PCDHGA1: variants seen among roughly 807,000 people sequenced by gnomAD.
The protein encoded by PCDHGA1 is protocadherin gamma-A1.
PCDHGA1 carries 32 observed loss-of-function variants against 58.0 expected under a neutral mutation model. The observed-to-expected ratio is 0.55, with a 90% CI of 0.42 to 0.74. The LOEUF is 0.74. Ranked by LOEUF, PCDHGA1 falls within the 30% of genes least tolerant of loss-of-function variation. PCDHGA1 has a pLI of 0.00. For synonymous variants in PCDHGA1, 498 were observed against 501.1 expected, an observed-to-expected ratio of 0.99 and a Z score of 0.08; for missense variants, 1,205 against 1,182.3, an observed-to-expected ratio of 1.02 and a Z score of -0.28.
In PCDHGA1 at chr5:141,503,070, G is replaced by A. The variant is rs868143537; in HGVS notation, c.2481-2323G>A. 1.5e-4 allele frequency among the ~76,000 whole-genome samples: 23 copies of A among 151,614 alleles called. No individual in the cohort carries two copies. The Middle Eastern group carries it at 0.01, about 68-fold the overall frequency. On this transcript the variant is annotated intron_variant, in intron 2 of 3. Coordinates refer to ENST00000517417, the MANE Select transcript of PCDHGA1 (RefSeq NM_018912.3). ...GGGTTTCACCATGTTGGTCAGAATGGTCTCGATCTCCTGACCTCGTGGTCT... is the reference window on the plus strand; with the variant it reads ...GGGTTTCACCATGTTGGTCAGAATGATCTCGATCTCCTGACCTCGTGGTCT...
chr5:141,341,779 C>A (rs1561484788), intron 1 of PCDHGA1: 1 of 344,910 alleles, frequency 2.9e-6, no homozygotes, highest in African/African-American at 2.1e-5. Flanking sequence ...CAAGTCCTTT[C>A]TTCTTTTAAG....
At chr5:141,508,538 G>C (rs1383873129) in intron 3 of PCDHGA1, among the ~76,000 whole-genome samples, 1 of 152,120 alleles carries the variant, frequency 6.6e-6, no homozygotes, top group African/African-American at 2.4e-5. Flanking sequence ...CACCCCCCAC[G>C]AGGTGGGCGG....
chr5:141,456,093 T>G (rs1362649283), intron 1 of PCDHGA1, among the ~76,000 whole-genome samples: 1 of 151,986 alleles, frequency 6.6e-6, no homozygotes, highest in Non-Finnish European at 1.5e-5. Context: ...GAGACGGGAT[T>G]TCACCGTGTT....
chr5:141,456,888 G>A (rs376401806), intron 1 of PCDHGA1, among the ~76,000 whole-genome samples: 5 of 152,118 alleles, frequency 3.3e-5, no homozygotes, highest in Admixed American at 1.3e-4. Context: ...GCTTGAACCC[G>A]GGAGGCAGAG....
chr5:141,510,813 C>G, intron 3 of PCDHGA1, 134 bp from the exon 4 acceptor site: 2 of 1,537,024 alleles, frequency 1.3e-6, no homozygotes, highest in Non-Finnish European at 1.8e-6. Context: ...CTTGGTGACC[C>G]CTATATTCCC....
intron 1 of PCDHGA1, chr5:141,342,906 T>C (rs1168209537): frequency 3.3e-5 from 5 of 152,206 alleles, no homozygotes; most frequent in African/African-American, 4.8e-5. Context: ...AGGAAACTTC[T>C]TTCAGTACCC....
intron 1 of PCDHGA1, chr5:141,333,744 T>C (rs1166628227): frequency 6.5e-6 from 1 of 153,566 alleles, no homozygotes; most frequent in Non-Finnish European, 1.4e-5. Flanking sequence ...TAGAGTGCAG[T>C]GGCATGATCA....
intron 1 of PCDHGA1, among the ~76,000 whole-genome samples, chr5:141,469,311 T>C (rs970450899): frequency 3.3e-5 from 5 of 152,040 alleles, no homozygotes; most frequent in Admixed American, 3.3e-4. Context: ...GCACGATGGC[T>C]CACGCCTGTA....
intron 1 of PCDHGA1, among the ~76,000 whole-genome samples, chr5:141,456,379 C>A (rs181915740): frequency 1.3e-5 from 2 of 152,162 alleles, no homozygotes; most frequent in East Asian, 3.9e-4. Context: ...GTTTACAGCA[C>A]CGTTTGGAGT....
chr5:141,384,731 C>T, intron 1 of PCDHGA1: 1 of 1,614,086 alleles, frequency 6.2e-7, no homozygotes, highest in South Asian at 1.1e-5. Context: ...CTGCTTAAGG[C>T]CAGCGAGCCA....
chr5:141,430,994 C>T, intron 1 of PCDHGA1: 1 of 1,613,950 alleles, frequency 6.2e-7, no homozygotes, highest in East Asian at 2.2e-5. Context: ...CGCCCTGAAT[C>T]CGCGCAGCGG....
chr5:141,405,437 T>A, intron 1 of PCDHGA1: 1 of 1,433,230 alleles, frequency 7.0e-7, no homozygotes, highest in Non-Finnish European at 9.6e-7. Context: ...GTTTTGTTTT[T>A]GAGACAGAGT....
chr5:141,334,698 G>C lies in PCDHGA1; in HGVS notation c.2421+1593G>C, dbSNP rs1035492034. The C allele has an allele frequency of 1.3e-5, 2 of 152,154 alleles. No individual in the cohort carries two copies. Among genetic ancestry groups the C allele is most frequent in the African/African-American group, 4.8e-5 (2 of 41,424 alleles). The allele number at this position is 152,154 out of a possible 1,614,324, so 9.4% of individuals were successfully genotyped here. On this transcript the variant is annotated intron_variant, in intron 1 of 3. Transcript: ENST00000517417. This position sits in a 1 kb window ranked among gnomAD's most constrained non-coding sequence, Gnocchi z 4.6. ...TAGACCAAGAGAGAGAGACAGACAC[G>C]GATGCTGGATAGAGACAGCGAACAC... is the stretch of plus-strand genomic sequence containing the variant.
rs780558308 is a variant in PCDHGA1 at position 141,330,959 on chromosome 5, G to A, written c.275G>A (p.Arg92Gln). The A allele has an allele frequency of 1.4e-5, 22 of 1,614,090 alleles. No individual in the cohort carries two copies. In the East Asian group the frequency reaches 2.5e-4, roughly 18 times the overall value. Reference sequence around the variant, plus strand: ...TTGATCACCGCGCGCAGGATAGACCGGGAGGAGCTCTGCGCTCAGAGCATG... The same window carrying A: ...TTGATCACCGCGCGCAGGATAGACCAGGAGGAGCTCTGCGCTCAGAGCATG... ...GSLITARRID[R>Q]EELCAQSMPC... The change falls in exon 1 of 4, where the codon CGG becomes CAG. Residue 92 changes from arginine to glutamine, a missense_variant. Physicochemically the swap from Arg to Gln is conservative, Grantham distance 43 (BLOSUM62 1). Transcript: ENST00000517417.
chr5:141,414,139 G>A (rs1245110230), intron 1 of PCDHGA1: 6 of 1,596,386 alleles, frequency 3.8e-6, no homozygotes, highest in African/African-American at 1.3e-5. Context: ...CTATGAAATA[G>A]AAATACAAGC....
intron 1 of PCDHGA1, chr5:141,415,652 A>AG: frequency 6.3e-7 from 1 of 1,590,778 alleles, no homozygotes; most frequent in African/African-American, 1.4e-5. Flanking sequence ...AAAAAAAAAA[A>AG]GATTGGTTTT....
At chr5:141,419,528 G>A (rs966922299) in intron 1 of PCDHGA1, 10 of 1,612,056 alleles carry the variant, frequency 6.2e-6, no homozygotes, top group Admixed American at 1.7e-5. Flanking sequence ...CGACCGTAAC[G>A]ACAACGCACC....
At chr5:141,382,998 C>G in intron 1 of PCDHGA1, 2 of 1,613,740 alleles carry the variant, frequency 1.2e-6, no homozygotes, top group Non-Finnish European at 1.7e-6. Context: ...GTATTCTCTA[C>G]TCCGTGTCGG....
At chr5:141,360,269 C>T (rs889254322) in intron 1 of PCDHGA1, 2 of 1,613,932 alleles carry the variant, frequency 1.2e-6, no homozygotes, top group East Asian at 2.2e-5. Context: ...GCCAAAAACT[C>T]GGTCGTAGGA....
Sources: allele counts gnomAD v4.1 joint callset (sites outside exome capture counted in the v4.1 genomes callset), GRCh38; gene constraint gnomAD v4.1.1; non-coding constraint Gnocchi (gnomAD v3.1); transcripts MANE v1.5; gene names NCBI Gene and HGNC (gene_info 2026-07-23, HGNC 2026-07-21).